Variants in TOGARAM1 observed in about 807,000 individuals in gnomAD.
TOGARAM1 encodes the protein TOG array regulator of axonemal microtubules protein 1.
TOGARAM1 carries 100 observed loss-of-function variants against 166.6 expected under a neutral mutation model. The ratio of observed to expected loss-of-function variants is 0.60; its 90% confidence interval spans 0.51 to 0.71. The LOEUF (loss-of-function observed/expected upper bound fraction) is 0.71. Among genes scored for constraint, TOGARAM1 ranks in the 30% least tolerant of loss-of-function variants. TOGARAM1 has a pLI of 0.00. For missense variants in TOGARAM1, 2,029 were observed against 2,102.7 expected (o/e 0.96, Z 0.69); for synonymous variants, 758 against 763.8 (o/e 0.99, Z 0.13).
chr14:45,040,255 T>C (rs1281903284), intron 11 of TOGARAM1, among the ~76,000 whole-genome samples: 1 of 152,190 alleles, frequency 6.6e-6, no homozygotes, highest in East Asian at 1.9e-4. Flanking sequence ...CAAACTATTT[T>C]GAATTTGATG....
chr14:45,070,055 G>T (rs1361005270), intron 18 of TOGARAM1, among the ~76,000 whole-genome samples: 2 of 151,928 alleles, frequency 1.3e-5, no homozygotes, highest in Non-Finnish European at 2.9e-5. Flanking sequence ...GGTGGCAGGT[G>T]CCTGTAGTCC....
rs749062832 is a variant in TOGARAM1 at position 45,073,279 on chromosome 14, A to G, written c.5057-17A>G. The G allele has an allele frequency of 3.8e-6, 6 of 1,593,526 alleles. No individual in the cohort carries two copies. The East Asian group carries it at 1.3e-4, about 36-fold the overall frequency. ...TTATTAAGAAAAAACCCTGTTTTTT[A>G]TATTTTTATGTTTCAGATATTGTTA... is the stretch of plus-strand genomic sequence containing the variant. On this transcript the variant is annotated splice_polypyrimidine_tract_variant and intron_variant, in intron 19 of 19. Transcript: ENST00000361462.
At chr14:45,050,974 T>C (rs1279630316) in intron 14 of TOGARAM1, among the ~76,000 whole-genome samples, 1 of 152,200 alleles carries the variant, frequency 6.6e-6, no homozygotes, top group East Asian at 1.9e-4. Context: ...GTAACTGTGA[T>C]TTATTTTAGG....
At chr14:45,068,753 A>T (rs1883250467) in intron 18 of TOGARAM1, 110 bp downstream of exon 18, 1 of 723,266 alleles carries the variant, frequency 1.4e-6, no homozygotes, top group Admixed American at 3.6e-5. Flanking sequence ...CAGTTTTTTA[A>T]ACTTAATATT....
rs564078555 is a variant in TOGARAM1, at chr14:45,010,576, G to A, written c.3138-1399G>A. Among the ~76,000 whole-genome samples, 51 of 152,270 alleles carry A rather than the reference G, an allele frequency of 3.3e-4. 1 individual carries two copies. In the South Asian group the frequency reaches 9.5e-3, roughly 28 times the overall value. On this transcript the variant is annotated intron_variant, in intron 6 of 19. Coordinates refer to ENST00000361462, the MANE Select transcript of TOGARAM1 (RefSeq NM_001308120.2). ...ATTTTATATGATTTGGATACATGAT[G>A]TCCTGTATTTTCTCACTGAGTTATT... is the stretch of plus-strand genomic sequence containing the variant.
chr14:44,998,362 A>G (rs1566620458), intron 2 of TOGARAM1, among the ~76,000 whole-genome samples: 1 of 152,260 alleles, frequency 6.6e-6, no homozygotes, highest in Non-Finnish European at 1.5e-5. Flanking sequence ...TCAAGAAAGG[A>G]AAACATAGGT....
At position 44,962,634 on chromosome 14, in the gene TOGARAM1, C is replaced by T. The variant is rs1885225790; in HGVS notation, c.213C>T (p.Leu71=). Residue 71 remains leucine, a synonymous_variant, in exon 1 of 20, where the codon CTC becomes CTT. Transcript: ENST00000361462. The stretch of plus-strand genomic sequence containing the variant: ...CAACTTCGCCTCTGGCCTCGGCCCT[C>T]TTGATGCCCTCGGAGGCAGTCTCAA... ...PTTTSPLASA[L]LMPSEAVSSS... is the part of the protein sequence containing the mutation. 3 of 1,614,010 alleles carry T rather than the reference C, an allele frequency of 1.9e-6. No individual in the cohort carries two copies. In the African/African-American group the frequency reaches 4.0e-5, roughly 22 times the overall value.
At chr14:45,066,228 C>T (rs917926512) in intron 16 of TOGARAM1, among the ~76,000 whole-genome samples, 3 of 152,078 alleles carry the variant, frequency 2.0e-5, no homozygotes, top group South Asian at 2.1e-4. Context: ...GTGTTCTGTG[C>T]GACTCTACTG....
chr14:44,963,580 A>T lies in TOGARAM1; in HGVS notation c.1159A>T (p.Thr387Ser). 1 of 1,613,580 alleles carries T rather than the reference A, an allele frequency of 6.2e-7. No homozygotes were observed. The highest frequency in any genetic ancestry group is 8.5e-7 in the Non-Finnish European group (1 of 1,179,766). ...QVLGKFNPSS[T>S]PHSSLVGFIS... is the part of the protein sequence containing the mutation. ...GCTGGGAAAATTTAACCCTAGTTCT[A>T]CTCCTCATTCTAGTCTTGTTGGCTT... Residue 387 changes from threonine to serine, a missense_variant, in exon 1 of 20, where the codon ACT becomes TCT. Thr to Ser is a moderately conservative substitution (Grantham distance 58). Transcript: ENST00000361462.
chr14:45,031,295 C>T lies in TOGARAM1; in HGVS notation c.3659-928C>T, dbSNP rs368114372. 3.3e-4 allele frequency among the ~76,000 whole-genome samples: 51 copies of T among 152,270 alleles called. No homozygotes were observed. In the South Asian group the frequency reaches 6.0e-3, roughly 18 times the overall value. ...TTTTCTTTTTAATATCTCCACTGCA[C>T]GTGTCTCGCATTATATAGTGCTCTC... On this transcript the variant is annotated intron_variant, in intron 10 of 19. Transcript: ENST00000361462.
chr14:44,984,212 A>G (rs1246501138), intron 1 of TOGARAM1, among the ~76,000 whole-genome samples: 1 of 152,144 alleles, frequency 6.6e-6, no homozygotes, highest in African/African-American at 2.4e-5. Flanking sequence ...AAGTGAGAAT[A>G]TCCATATCTT....
At chr14:45,025,427 G>A (rs1445552788) in intron 7 of TOGARAM1, 2 of 165,470 alleles carry the variant, frequency 1.2e-5, no homozygotes, top group African/African-American at 4.8e-5. Flanking sequence ...AGCTGAGCAT[G>A]GTGGTGCGTA....
intron 3 of TOGARAM1, 58 bp from the exon 4 acceptor site, chr14:45,004,003 C>A: frequency 2.8e-6 from 4 of 1,410,140 alleles, no homozygotes; most frequent in Non-Finnish European, 2.8e-6. Flanking sequence ...AGCAAAAAAG[C>A]TTTTAACTGT....
intron 1 of TOGARAM1, among the ~76,000 whole-genome samples, chr14:44,990,096 T>C (rs1283578294): frequency 2.0e-5 from 3 of 152,162 alleles, no homozygotes; most frequent in Non-Finnish European, 2.9e-5. Context: ...ATTATGAGGA[T>C]TACAATTCAA....
chr14:44,981,626 G>A (rs1308718504), intron 1 of TOGARAM1, among the ~76,000 whole-genome samples: 1 of 151,984 alleles, frequency 6.6e-6, no homozygotes, highest in African/African-American at 2.4e-5. Flanking sequence ...TTTTCTGATT[G>A]TAAAAAAGTT....
In TOGARAM1 at chr14:45,006,308, A is replaced by G. The variant is rs775551501; in HGVS notation, c.2904+41A>G. The G allele has an allele frequency of 3.5e-6, 5 of 1,433,246 alleles. No individual in the cohort carries two copies. The South Asian group carries it at 5.4e-5, about 16-fold the overall frequency. 88.8% of individuals were successfully genotyped at this position (1,433,246 alleles called of 1,614,324 possible). On this transcript the variant is annotated intron_variant, in intron 5 of 19. Transcript: ENST00000361462. Reference sequence around the variant, plus strand: ...TTTTAATGACTTAAAAATATTTGCAATTTTCTATAATATAGTTGCTATTTA... The same window carrying G: ...TTTTAATGACTTAAAAATATTTGCAGTTTTCTATAATATAGTTGCTATTTA...
chr14:45,034,844 G>C (rs538323487), intron 11 of TOGARAM1, among the ~76,000 whole-genome samples: 36 of 152,290 alleles, frequency 2.4e-4, no homozygotes, highest in Admixed American at 1.4e-3. Context: ...CAGGCATGCA[G>C]AGAAGCAGGA....
chr14:45,017,885 A>T (rs1283918036), intron 7 of TOGARAM1, among the ~76,000 whole-genome samples: 2 of 152,176 alleles, frequency 1.3e-5, no homozygotes, highest in Non-Finnish European at 2.9e-5. Flanking sequence ...GTCTCAAACA[A>T]AAAAGGAAAA....
chr14:45,052,967 A>C (rs1171062263), intron 15 of TOGARAM1, among the ~76,000 whole-genome samples: 2 of 151,268 alleles, frequency 1.3e-5, no homozygotes, highest in African/African-American at 4.9e-5. Flanking sequence ...TGCATGTCCC[A>C]CTATTAGAGC....
Sources: gnomAD v4.1 joint callset for allele counts (sites outside exome capture counted in the v4.1 genomes callset) on GRCh38, gnomAD v4.1.1 for gene constraint, MANE v1.5 for transcripts, NCBI Gene and HGNC (gene_info 2026-07-23, HGNC 2026-07-21) for gene names.